The following DNAH10 variants were observed in gnomAD, a reference collection of about 807,000 sequenced individuals.
The protein encoded by DNAH10 is axonemal beta dynein heavy chain 10.
In DNAH10, 348 loss-of-function variants were observed where a neutral mutation model predicts 506.6. The ratio of observed to expected loss-of-function variants is 0.69; its 90% CI spans 0.63 to 0.75. The LOEUF (loss-of-function observed/expected upper bound fraction) is 0.75, where lower values mean the gene tolerates loss of function less well. Ranked by LOEUF, DNAH10 falls within the 30% of genes least tolerant of loss-of-function variation. The probability of loss-of-function intolerance (pLI) is 0.00; values close to 1 mark genes in which losing one functional copy is unlikely to be tolerated. For missense variants in DNAH10, 5,179 were observed against 5,787.1 expected (o/e 0.89, Z 3.41); for synonymous variants, 2,059 against 2,198.6 (o/e 0.94, Z 1.78).
intron 21 of DNAH10, among the ~76,000 whole-genome samples, chr12:123,816,521 A>AC (rs1022519694): frequency 6.6e-5 from 10 of 151,844 alleles, no homozygotes; most frequent in Non-Finnish European, 1.2e-4. Flanking sequence ...GGCTCTGTGC[A>AC]CCCCCCAACC....
At chr12:123,830,199 G>A (rs554133158) in intron 25 of DNAH10, among the ~76,000 whole-genome samples, 1 of 152,278 alleles carries the variant, frequency 6.6e-6, no homozygotes, top group South Asian at 2.1e-4. Context: ...ATTTACATGA[G>A]GCTCTCAAAA....
At position 123,866,060 on chromosome 12, in the gene DNAH10, A is replaced by G; in HGVS notation, c.7154A>G (p.Gln2385Arg). 6.2e-7 allele frequency: 1 copy of G among 1,606,524 alleles called. No individual in the cohort carries two copies. Among genetic ancestry groups the G allele is most frequent in the South Asian group, 1.1e-5 (1 of 89,148 alleles). ...YRPYWKKWVN[Q>R]IPNKVEQYNL... ...CCATACTGGAAAAAATGGGTTAATC[A>G]AATACCAAACAAGGTGAAATTTTTT... The change falls in exon 41 of 79, where the codon CAA (glutamine) becomes CGA (arginine). Residue 2385 changes from glutamine to arginine, a missense_variant. This residue lies in a region of DNAH10 where 4,844 missense variants were observed against 5,430.5 expected (regional missense o/e 0.89). Transcript: ENST00000673944.
At chr12:123,825,043 A>G (rs1209402157) in intron 24 of DNAH10, among the ~76,000 whole-genome samples, 1 of 152,182 alleles carries the variant, frequency 6.6e-6, no homozygotes, top group Non-Finnish European at 1.5e-5. Context: ...AAAAAAGGAA[A>G]GACGAGGAAG....
At chr12:123,881,037 A>T (rs1323628653) in intron 50 of DNAH10, among the ~76,000 whole-genome samples, 1 of 151,748 alleles carries the variant, frequency 6.6e-6, no homozygotes, top group Non-Finnish European at 1.5e-5. Flanking sequence ...CATTTTCTTA[A>T]TCCAGTCTAT....
In DNAH10 at chr12:123,909,563, G is replaced by C; in HGVS notation, c.9997+121G>C. 2 of 1,256,844 alleles carry C rather than the reference G, an allele frequency of 1.6e-6. No individual in the cohort carries two copies. Among genetic ancestry groups the C allele is most frequent in the East Asian group, 5.2e-5 (2 of 38,758 alleles). The allele number at this position is 1,256,844 out of a possible 1,614,324, so 77.9% of individuals were successfully genotyped here. ...GCAGGCCCTCCCCTTCTGGTCAGAT[G>C]GTATCGGATGGAACAGGCAACTGAT... On this transcript the variant is annotated intron_variant, in intron 58 of 78. Transcript: ENST00000673944. The surrounding 1 kb of genome is among the most constrained non-coding windows in gnomAD (Gnocchi z 5.4).
chr12:123,812,220 G>A (rs1243779468), intron 19 of DNAH10, among the ~76,000 whole-genome samples: 2 of 152,090 alleles, frequency 1.3e-5, no homozygotes, highest in African/African-American at 4.8e-5. Context: ...GGGAGGCCGA[G>A]GTGGGCGGAT....
intron 19 of DNAH10, among the ~76,000 whole-genome samples, chr12:123,812,675 A>G (rs1245665271): frequency 1.3e-5 from 2 of 152,188 alleles, no homozygotes; most frequent in Admixed American, 6.5e-5. Flanking sequence ...GCATAAAACA[A>G]TAATCATTTA....
intron 66 of DNAH10, 35 bp from the exon 67 acceptor site, chr12:123,924,243 A>G (rs1177870106): frequency 2.0e-5 from 31 of 1,582,282 alleles, no homozygotes; most frequent in Non-Finnish European, 2.7e-5. Flanking sequence ...TGTTAGTGGT[A>G]CAATGGCTGC....
chr12:123,843,536 A>G (rs548158460), intron 30 of DNAH10, among the ~76,000 whole-genome samples: 4 of 152,284 alleles, frequency 2.6e-5, no homozygotes, highest in African/African-American at 9.6e-5. Flanking sequence ...AAATAAAACA[A>G]CAAAGGTCAA....
rs1954884996 is a variant in DNAH10, at chr12:123,925,116, T to C, written c.11833T>C (p.Phe3945Leu). The C allele has an allele frequency of 6.2e-7, 1 of 1,614,046 alleles. No homozygotes were observed. Among genetic ancestry groups the C allele is most frequent in the East Asian group, 2.2e-5 (1 of 44,894 alleles). ...PLGYDNNITP[F>L]QKLLILRCFR... The stretch of plus-strand genomic sequence containing the variant: ...GGGTTACGATAACAACATCACCCCT[T>C]TCCAGAAGTTGCTTATTTTGCGCTG... Residue 3945 changes from phenylalanine to leucine, a missense_variant, in exon 68 of 79, where the codon TTC (phenylalanine) becomes CTC (leucine). Phe to Leu is a conservative substitution (Grantham distance 22). Transcript: ENST00000673944. The surrounding 1 kb of genome is among the most constrained non-coding windows in gnomAD (Gnocchi z 4.0).
In DNAH10 at chr12:123,838,543, G is replaced by A. The variant is rs1432060415; in HGVS notation, c.4990G>A (p.Gly1664Ser). The A allele has an allele frequency of 1.9e-6, 3 of 1,613,866 alleles. No individual in the cohort carries two copies. The highest frequency in any genetic ancestry group is 2.7e-5 in the African/African-American group (2 of 74,902). Residue 1664 changes from glycine (G) to serine (S), a missense_variant, in exon 29 of 79, where the codon GGC (glycine) becomes AGC (serine). Physicochemically the swap from Gly to Ser is moderately conservative, Grantham distance 56. Coordinates refer to ENST00000673944, the MANE Select transcript of DNAH10 (RefSeq NM_001372106.1). ...CAGTGACCTACAGAACGTCAGCGAG[G>A]GCCTGGAGAAATGCCAGAAAAGCCT... ...RLSDLQNVSE[G>S]LEKCQKSLND...
rs749916143 is a variant in DNAH10 at position 123,820,607 on chromosome 12, G to A, written c.4028G>A (p.Arg1343Lys). The change falls in exon 24 of 79, where the codon AGA becomes AAA. Residue 1343 changes from arginine (R) to lysine (K), a missense_variant. Physicochemically the swap from Arg to Lys is conservative, Grantham distance 26. This residue lies in a region of DNAH10 where 4,844 missense variants were observed against 5,430.5 expected (regional missense o/e 0.89). Transcript: ENST00000673944. ...KGVELLGVYE[R>K]ELARHEKSRQ... ...GTAGAGCTTTTAGGTGTTTATGAAA[G>A]AGAGCTGGCAAGACATGAAAAGAGC... 26 of 1,613,826 alleles carry A rather than the reference G, an allele frequency of 1.6e-5. No individual in the cohort carries two copies. The highest frequency in any genetic ancestry group is 2.2e-5 in the Non-Finnish European group (26 of 1,179,892).
At chr12:123,784,264 T>C in intron 8 of DNAH10, 87 bp downstream of exon 8, 1 of 1,394,164 alleles carries the variant, frequency 7.2e-7, no homozygotes, top group Non-Finnish European at 1.0e-6. Flanking sequence ...GTTCAGCATT[T>C]GGCCAGGAGC....
Position 123,881,655 on chromosome 12 carries a change from A to C in DNAH10, c.8665A>C (p.Thr2889Pro). Residue 2889 changes from threonine (T) to proline (P), a missense_variant, in exon 51 of 79, where the codon ACC (threonine) becomes CCC (proline). Thr to Pro is a conservative substitution (Grantham distance 38, BLOSUM62 -1). Around this residue, in one of 3 missense-constraint regions of DNAH10, gnomAD observed 4,844 missense variants for 5,430.5 expected, o/e 0.89. Coordinates refer to ENST00000673944, the MANE Select transcript of DNAH10 (RefSeq NM_001372106.1). The part of the protein sequence containing the change: ...EILEEYNESN[T>P]KMNLVLFDDA... ...TCTTGAAGAGTATAATGAAAGCAACACCAAAATGAACTTGGTTCTCTTCGA... is the reference window on the plus strand; with the variant it reads ...TCTTGAAGAGTATAATGAAAGCAACCCCAAAATGAACTTGGTTCTCTTCGA... 6.5e-7 allele frequency: 1 copy of C among 1,541,100 alleles called. No homozygotes were observed. The highest frequency in any genetic ancestry group is 8.7e-7 in the Non-Finnish European group (1 of 1,143,970).
At chr12:123,895,986 A>T (rs1045454394) in intron 54 of DNAH10, among the ~76,000 whole-genome samples, 1 of 151,846 alleles carries the variant, frequency 6.6e-6, no homozygotes, top group African/African-American at 2.4e-5. Context: ...GGTGGTGGGC[A>T]CCTGTAATCC....
intron 27 of DNAH10, 44 bp downstream of exon 27, chr12:123,833,391 A>AT: frequency 6.9e-6 from 10 of 1,441,534 alleles, no homozygotes; most frequent in Non-Finnish European, 9.6e-6. Context: ...GCCAGTGCAT[A>AT]GCAGTGGCTT....
intron 61 of DNAH10, 57 bp downstream of exon 61, chr12:123,914,607 C>T (rs780978081): frequency 4.8e-5 from 74 of 1,551,470 alleles, no homozygotes; most frequent in Non-Finnish European, 5.8e-5. Context: ...AGGGGGTCTA[C>T]GTGGGTGTCA....
rs1958601679 is a variant in DNAH10, at chr12:123,804,816, G to A, written c.2780-17G>A. On this transcript the variant is annotated splice_polypyrimidine_tract_variant and intron_variant, in intron 17 of 78. Coordinates refer to ENST00000673944, the MANE Select transcript of DNAH10 (RefSeq NM_001372106.1). ...CCTGTGTTCGTGGACAGCTCTAACA[G>A]ACATCTTTCTCTCCAGGCGTGAAGG... 1.2e-6 allele frequency: 2 copies of A among 1,604,896 alleles called. No individual in the cohort carries two copies. Among genetic ancestry groups the A allele is most frequent in the African/African-American group, 1.3e-5 (1 of 74,702 alleles).
In DNAH10 at chr12:123,866,006, A is replaced by T. The variant is rs1193629239; in HGVS notation, c.7100A>T (p.Tyr2367Phe). ...ACTGTCTCTCGATGTGGAATGGTTT[A>T]TGTGGATCCTAAAAACTTGAAATAT... Reference protein sequence around the residue: ...PATVSRCGMVYVDPKNLKYRP... With the variant: ...PATVSRCGMVFVDPKNLKYRP... The change falls in exon 41 of 79, where the codon TAT (tyrosine) becomes TTT (phenylalanine). Residue 2367 changes from tyrosine (Y) to phenylalanine (F), a missense_variant. Tyr to Phe is a conservative substitution (Grantham distance 22). Coordinates refer to ENST00000673944, the MANE Select transcript of DNAH10 (RefSeq NM_001372106.1). 6.2e-7 allele frequency: 1 copy of T among 1,612,584 alleles called. No homozygotes were observed. Among genetic ancestry groups the T allele is most frequent in the Non-Finnish European group, 8.5e-7 (1 of 1,179,564 alleles).
Sources: gnomAD v4.1 joint callset for allele counts (sites outside exome capture counted in the v4.1 genomes callset) on GRCh38, gnomAD v4.1.1 for gene constraint, gnomAD v4.1.1 regional missense constraint, Gnocchi (gnomAD v3.1) non-coding constraint, MANE v1.5 for transcripts, NCBI Gene and HGNC (gene_info 2026-07-23, HGNC 2026-07-21) for gene names.